RUNX1T1: variants seen among roughly 807,000 people sequenced by gnomAD.
The protein encoded by RUNX1T1 is protein CBFA2T1.
A neutral mutation model predicts 62.8 loss-of-function variants in RUNX1T1; 4 were observed. The observed-to-expected ratio is 0.06, with a 90% CI of 0.03 to 0.15. RUNX1T1 has a LOEUF of 0.15. Ranked by LOEUF, RUNX1T1 falls within the 10% of genes least tolerant of loss-of-function variation. RUNX1T1 has a pLI of 1.00. For synonymous variants in RUNX1T1, 291 were observed against 286.0 expected (o/e 1.02, Z -0.18); for missense variants, 508 against 754.3 (o/e 0.67, Z 3.82).
At chr8:92,012,708 C>A (rs1333706092) in intron 3 of RUNX1T1, among the ~76,000 whole-genome samples, 3 of 151,796 alleles carry the variant, frequency 2.0e-5, no homozygotes, top group Non-Finnish European at 4.4e-5. Flanking sequence ...ACCTCTATAA[C>A]CTCAGTTTGC....
At chr8:91,959,470 A>G (rs1024556569) in exon 11 of RUNX1T1, 771 of 33,532 alleles carry the variant, frequency 0.023, 17 homozygotes, top group African/African-American at 0.09. Context: ...GTGTGTGTAT[A>G]TGTGCGTGTG....
At chr8:92,056,924 A>G (rs1831137116) in intron 1 of RUNX1T1, among the ~76,000 whole-genome samples, 1 of 152,218 alleles carries the variant, frequency 6.6e-6, no homozygotes, top group African/African-American at 2.4e-5. Flanking sequence ...AAAAGCCAAG[A>G]AAGGTGATAT....
chr8:91,981,703 A>G (rs1815328780), intron 8 of RUNX1T1, among the ~76,000 whole-genome samples: 1 of 151,968 alleles, frequency 6.6e-6, no homozygotes, highest in Admixed American at 6.6e-5. Flanking sequence ...GCGTCAGCCA[A>G]CACTCCTGGC....
At chr8:92,036,247 A>C (rs1047264549) in intron 1 of RUNX1T1, among the ~76,000 whole-genome samples, 2 of 152,236 alleles carry the variant, frequency 1.3e-5, no homozygotes, top group African/African-American at 4.8e-5. Context: ...AAGATCTATA[A>C]GGTTGTTTTC....
intron 1 of RUNX1T1, among the ~76,000 whole-genome samples, chr8:92,058,707 C>A (rs1452629588): frequency 6.6e-6 from 1 of 152,160 alleles, no homozygotes; most frequent in Non-Finnish European, 1.5e-5. Context: ...ATATATATAT[C>A]TGTTCCCCTG....
chr8:91,984,738 A>G (rs1028702463), intron 8 of RUNX1T1, among the ~76,000 whole-genome samples: 3 of 152,208 alleles, frequency 2.0e-5, no homozygotes, highest in African/African-American at 7.2e-5. Context: ...TTTGTTCATA[A>G]TAAGGAAATA....
intron 1 of RUNX1T1, among the ~76,000 whole-genome samples, chr8:92,030,471 TG>T (rs1056609863): frequency 6.6e-6 from 1 of 152,142 alleles, no homozygotes; most frequent in Non-Finnish European, 1.5e-5. Context: ...GCAAAACAAT[TG>T]GACTCCTTAT....
chr8:91,982,360 GA>G (rs1348387402), intron 8 of RUNX1T1, among the ~76,000 whole-genome samples: 2 of 151,900 alleles, frequency 1.3e-5, no homozygotes, highest in Non-Finnish European at 2.9e-5. Context: ...CAGTAAAAAG[GA>G]AAGTAGTTTA....
rs34477770 is a variant in RUNX1T1, at chr8:92,014,282, T to TACAC, written c.387+293_387+296dup. ...TGAAATACTGAAATACACGTGCACA[T>TACAC]ACACACACACACACACACACATTTA... On this transcript the variant is annotated intron_variant, in intron 3 of 10. Transcript: ENST00000396218. Among the ~76,000 whole-genome samples, 1,003 of 149,554 alleles carry TACAC rather than the reference T, an allele frequency of 6.7e-3. 9 individuals carry two copies. The highest frequency in any genetic ancestry group is 0.021 in the African/African-American group (845 of 40,836).
At chr8:92,074,462 T>G (rs77782641) in intron 2 of RUNX1T1, among the ~76,000 whole-genome samples, 2,965 of 152,258 alleles carry the variant, frequency 0.019, 95 homozygotes, top group African/African-American at 0.067. Flanking sequence ...GATATCTTTA[T>G]CATATTAATA....
intron 1 of RUNX1T1, among the ~76,000 whole-genome samples, chr8:92,054,385 G>T (rs1830694155): frequency 6.6e-6 from 1 of 152,168 alleles, no homozygotes; most frequent in Admixed American, 6.5e-5. Context: ...GCACTGTTTT[G>T]TGGGGGGTTA....
At chr8:92,043,640 G>A (rs1828866051) in intron 1 of RUNX1T1, among the ~76,000 whole-genome samples, 1 of 151,838 alleles carries the variant, frequency 6.6e-6, no homozygotes, top group Non-Finnish European at 1.5e-5. Context: ...TTGGAATTTT[G>A]GAGTGACAGT....
intron 1 of RUNX1T1, among the ~76,000 whole-genome samples, chr8:92,024,588 CT>C (rs1351959424): frequency 1.4e-5 from 2 of 147,016 alleles, no homozygotes; most frequent in Non-Finnish European, 3.0e-5. Flanking sequence ...TCAATTGTCT[CT>C]TTATTCTTAA....
At chr8:92,044,348 A>G (rs1829010361) in intron 1 of RUNX1T1, among the ~76,000 whole-genome samples, 1 of 152,224 alleles carries the variant, frequency 6.6e-6, no homozygotes, top group Non-Finnish European at 1.5e-5. Context: ...GTGAATGAGT[A>G]AACCAATGTG....
chr8:92,049,829 G>A (rs1829970867), intron 1 of RUNX1T1, among the ~76,000 whole-genome samples: 4 of 152,110 alleles, frequency 2.6e-5, no homozygotes, highest in Non-Finnish European at 1.5e-5. Flanking sequence ...TTACCTCATA[G>A]ACTATGAAAA....
chr8:92,086,482 A>G (rs1836143629), intron 1 of RUNX1T1, among the ~76,000 whole-genome samples: 1 of 152,218 alleles, frequency 6.6e-6, no homozygotes, highest in Non-Finnish European at 1.5e-5. Context: ...CAAGTCCTAC[A>G]GTGGTAAATA....
intron 5 of RUNX1T1, among the ~76,000 whole-genome samples, chr8:92,004,206 C>T (rs755950012): frequency 1.3e-5 from 2 of 152,102 alleles, no homozygotes; most frequent in Non-Finnish European, 2.9e-5. Context: ...GCTGTTATAC[C>T]CATGCCTGAT....
intron 2 of RUNX1T1, among the ~76,000 whole-genome samples, chr8:92,073,796 G>A (rs990445131): frequency 9.2e-5 from 14 of 152,066 alleles, no homozygotes; most frequent in Non-Finnish European, 1.6e-4. Context: ...TCCTGGGCTC[G>A]AGCAATCCTC....
At chr8:91,980,103 G>A (rs753676886) in intron 8 of RUNX1T1, among the ~76,000 whole-genome samples, 2 of 152,068 alleles carry the variant, frequency 1.3e-5, no homozygotes, top group Non-Finnish European at 2.9e-5. Context: ...CTAGAAGCTA[G>A]CAACTGCTTT....
Sources: allele counts gnomAD v4.1 joint callset (sites outside exome capture counted in the v4.1 genomes callset), GRCh38; gene constraint gnomAD v4.1.1; transcripts MANE v1.5; gene names NCBI Gene and HGNC (gene_info 2026-07-23, HGNC 2026-07-21).